The following PIGBOS1 variants were observed in gnomAD, a reference collection of about 807,000 sequenced individuals.
The protein encoded by PIGBOS1 is PIGB opposite strand 1.
At chr15:55,318,574 C>T (rs1166995116) in intron 1 of PIGBOS1, among the ~76,000 whole-genome samples, 1 of 151,088 alleles carries the variant, frequency 6.6e-6, no homozygotes, top group Non-Finnish European at 1.5e-5. Flanking sequence ...CGTGGTGGCG[C>T]GCCTGTAGTC....
At position 55,319,100 on chromosome 15, in the gene PIGBOS1, G is replaced by C; in HGVS notation, c.-312C>G. 1.1e-6 allele frequency: 1 copy of C among 895,972 alleles called. No homozygotes were observed. Among genetic ancestry groups the C allele is most frequent in the Non-Finnish European group, 1.6e-6 (1 of 612,640 alleles). 55.5% of individuals were successfully genotyped at this position (895,972 alleles called of 1,614,324 possible). A position where few individuals can be genotyped will look rare whatever the true frequency, so the allele number is the denominator to read the frequency against. On this transcript the variant is annotated 5_prime_UTR_variant, in exon 1 of 2. Transcript: ENST00000436697. ...AACGGCGAAAGGAAACCGCAAGGAG[G>C]CCACCACGTCGGGTGGGAGCTACGA... is the stretch of plus-strand genomic sequence containing the variant.
rs545913714 is a variant in PIGBOS1, at chr15:55,318,223, G to C, written c.-75-356C>G. Among the ~76,000 whole-genome samples the C allele has an allele frequency of 8.0e-5, 12 of 150,500 alleles. No individual in the cohort carries two copies. In the South Asian group the frequency reaches 1.7e-3, roughly 21 times the overall value. ...CGCCATTCTCCTACCTCAGCCTCCC[G>C]AGAAGCTGGGACTACAGGCGCGTGT... On this transcript the variant is annotated intron_variant, in intron 1 of 1. Coordinates refer to ENST00000436697, the MANE Select transcript of PIGBOS1 (RefSeq NM_001308421.2).
At chr15:55,318,343 C>T (rs1007087540) in intron 1 of PIGBOS1, among the ~76,000 whole-genome samples, 16 of 150,974 alleles carry the variant, frequency 1.1e-4, no homozygotes, top group South Asian at 8.4e-4. Context: ...CTGATCCGCC[C>T]GTCTTGGCCT....
Position 55,319,013 on chromosome 15 carries a change from TTTCGGACCCC to T in PIGBOS1, c.-235_-226del. 1 of 493,320 alleles carries T rather than the reference TTTCGGACCCC, an allele frequency of 2.0e-6. No homozygotes were observed. The highest frequency in any genetic ancestry group is 2.9e-5 in the South Asian group (1 of 34,588). 30.6% of individuals were successfully genotyped at this position (493,320 alleles called of 1,614,324 possible). A position where few individuals can be genotyped will look rare whatever the true frequency, so the allele number is the denominator to read the frequency against. On this transcript the variant is annotated 5_prime_UTR_variant, in exon 1 of 2. Coordinates refer to ENST00000436697, the MANE Select transcript of PIGBOS1 (RefSeq NM_001308421.2). ...CAGAGACCGGGGGCCTTCCAGCAGT[TTTCGGACCCC>T]CGAGCACAGAGACCGCCAAGCCAAA...
chr15:55,319,007 A>C lies in PIGBOS1; in HGVS notation c.-219T>G. On this transcript the variant is annotated 5_prime_UTR_variant, in exon 1 of 2. Transcript: ENST00000436697. ...CCCCTCCAGAGACCGGGGGCCTTCC[A>C]GCAGTTTTCGGACCCCCGAGCACAG... 2.1e-6 allele frequency: 1 copy of C among 482,330 alleles called. No homozygotes were observed. The highest frequency in any genetic ancestry group is 3.6e-5 in the Admixed American group (1 of 27,886). The allele number at this position is 482,330 out of a possible 1,614,324, so 29.9% of individuals were successfully genotyped here. A position where few individuals can be genotyped will look rare whatever the true frequency, so the allele number is the denominator to read the frequency against.
At position 55,317,496 on chromosome 15, in the gene PIGBOS1, G is replaced by A. The variant is rs1186214920; in HGVS notation, c.*132C>T. The stretch of plus-strand genomic sequence containing the variant: ...AGCCTGGCTGATTTTTGTATTTTCA[G>A]TAGAGACAGGGTTTCACCATGTTGG... On this transcript the variant is annotated 3_prime_UTR_variant, in exon 2 of 2. Transcript: ENST00000436697. 4 of 319,466 alleles carry A rather than the reference G, an allele frequency of 1.3e-5. No homozygotes were observed. The highest frequency in any genetic ancestry group is 1.7e-5 in the Non-Finnish European group (3 of 175,602). The allele number at this position is 319,466 out of a possible 1,614,324, so 19.8% of individuals were successfully genotyped here.
rs1398863126 is a variant in PIGBOS1, at chr15:55,317,753, T to A, written c.40A>T (p.Thr14Ser). The change falls in exon 2 of 2, where the codon ACT becomes TCT. Residue 14 changes from threonine (T) to serine (S), a missense_variant. Physicochemically the swap from Thr to Ser is moderately conservative, Grantham distance 58. Coordinates refer to ENST00000436697, the MANE Select transcript of PIGBOS1 (RefSeq NM_001308421.2). ...RLTFAQLLFATVLGIAGGVYI... is the reference protein window; with the variant it reads ...RLTFAQLLFASVLGIAGGVYI... ...ACTCCTCCAGCAATTCCAAGGACAG[T>A]GGCAAAAAGCAGTTGTGCAAAAGTC... The A allele has an allele frequency of 2.5e-6, 1 of 398,600 alleles. No homozygotes were observed. Among genetic ancestry groups the A allele is most frequent in the African/African-American group, 2.1e-5 (1 of 48,770 alleles). The allele number at this position is 398,600 out of a possible 1,614,324, so 24.7% of individuals were successfully genotyped here.
Position 55,317,748 on chromosome 15 carries a change from G to C in PIGBOS1, c.45C>G (p.Val15=), listed in dbSNP as rs2055061745. ...LTFAQLLFAT[V]LGIAGGVYIF... ...TATATACTCCTCCAGCAATTCCAAG[G>C]ACAGTGGCAAAAAGCAGTTGTGCAA... The change falls in exon 2 of 2, where the codon GTC becomes GTG. Residue 15 remains valine (V), a synonymous_variant. Coordinates refer to ENST00000436697, the MANE Select transcript of PIGBOS1 (RefSeq NM_001308421.2). 5 of 398,378 alleles carry C rather than the reference G, an allele frequency of 1.3e-5. No individual in the cohort carries two copies. In the Admixed American group the frequency reaches 2.2e-4, roughly 18 times the overall value. 24.7% of individuals were successfully genotyped at this position (398,378 alleles called of 1,614,324 possible). A position where few individuals can be genotyped will look rare whatever the true frequency, so the allele number is the denominator to read the frequency against.
In PIGBOS1 at chr15:55,317,877, A is replaced by G. The variant is rs2055064165; in HGVS notation, c.-75-10T>C. The G allele has an allele frequency of 2.5e-6, 1 of 392,808 alleles. No homozygotes were observed. The highest frequency in any genetic ancestry group is 1.4e-4 in the South Asian group (1 of 7,196). 24.3% of individuals were successfully genotyped at this position (392,808 alleles called of 1,614,324 possible). On this transcript the variant is annotated splice_polypyrimidine_tract_variant and intron_variant, in intron 1 of 1. Coordinates refer to ENST00000436697, the MANE Select transcript of PIGBOS1 (RefSeq NM_001308421.2). The stretch of plus-strand genomic sequence containing the variant: ...GGAAATCTCTTCAAATCTGCATACA[A>G]AAATGGAAAGCAAAGCCATCACTTA...
At chr15:55,318,697 G>A (rs550943782) in intron 1 of PIGBOS1, among the ~76,000 whole-genome samples, 167 bp downstream of exon 1, 136 of 135,810 alleles carry the variant, frequency 1.0e-3, no homozygotes, top group African/African-American at 3.9e-3. Flanking sequence ...GCGAAACTCC[G>A]TCTCAAAAAA....
rs2055064126 is a variant in PIGBOS1 at position 55,317,875 on chromosome 15, C to T, written c.-75-8G>A. On this transcript the variant is annotated splice_polypyrimidine_tract_variant and splice_region_variant and intron_variant, in intron 1 of 1. Transcript: ENST00000436697. ...CAGGAAATCTCTTCAAATCTGCATA[C>T]AAAAATGGAAAGCAAAGCCATCACT... 2.5e-6 allele frequency: 1 copy of T among 392,498 alleles called. No individual in the cohort carries two copies. Among genetic ancestry groups the T allele is most frequent in the Non-Finnish European group, 4.5e-6 (1 of 222,630 alleles). The allele number at this position is 392,498 out of a possible 1,614,324, so 24.3% of individuals were successfully genotyped here.
chr15:55,318,000 A>C (rs950289910), intron 1 of PIGBOS1, 133 bp from the exon 2 acceptor site: 3 of 330,698 alleles, frequency 9.1e-6, no homozygotes, highest in African/African-American at 6.4e-5. Flanking sequence ...ATATAAATAC[A>C]TAAGGAGTAC....
At chr15:55,318,787 C>T (rs1380259792) in intron 1 of PIGBOS1, 77 bp downstream of exon 1, 1 of 154,340 alleles carries the variant, frequency 6.5e-6, no homozygotes, top group Non-Finnish European at 1.4e-5. Flanking sequence ...GGCCTGTTTC[C>T]ACATCTGTAC....
intron 1 of PIGBOS1, among the ~76,000 whole-genome samples, chr15:55,318,136 C>T (rs1372230186): frequency 1.4e-5 from 2 of 144,978 alleles, no homozygotes; most frequent in Non-Finnish European, 1.5e-5. Context: ...CTCGCTCTGT[C>T]GCCCAGGCTG....
Position 55,318,943 on chromosome 15 carries a change from T to A in PIGBOS1, c.-155A>T, listed in dbSNP as rs1363852771. 6.1e-6 allele frequency: 2 copies of A among 330,030 alleles called. No individual in the cohort carries two copies. Among genetic ancestry groups the A allele is most frequent in the Non-Finnish European group, 1.1e-5 (2 of 177,810 alleles). The allele number at this position is 330,030 out of a possible 1,614,324, so 20.4% of individuals were successfully genotyped here. On this transcript the variant is annotated 5_prime_UTR_variant, in exon 1 of 2. Coordinates refer to ENST00000436697, the MANE Select transcript of PIGBOS1 (RefSeq NM_001308421.2). ...ACCACTCAGGTACCTCCGACTGTTC[T>A]GCGCCTGCTCCACGTCACTAAACTC...
In PIGBOS1 at chr15:55,317,800, A is replaced by G. The variant is rs2055062984; in HGVS notation, c.-8T>C. 2.5e-6 allele frequency: 1 copy of G among 397,974 alleles called. No homozygotes were observed. The highest frequency in any genetic ancestry group is 2.1e-5 in the African/African-American group (1 of 48,610). The allele number at this position is 397,974 out of a possible 1,614,324, so 24.7% of individuals were successfully genotyped here. A position where few individuals can be genotyped will look rare whatever the true frequency, so the allele number is the denominator to read the frequency against. On this transcript the variant is annotated 5_prime_UTR_variant, in exon 2 of 2. Transcript: ENST00000436697. ...AGTCAATCTCCTAAACATTGCTGCAACAAATACAGCTCAAGGAAAAGCTGG... is the reference window on the plus strand; with the variant it reads ...AGTCAATCTCCTAAACATTGCTGCAGCAAATACAGCTCAAGGAAAAGCTGG...
In PIGBOS1 at chr15:55,319,111, G is replaced by T. The variant is rs942642683; in HGVS notation, c.-323C>A. On this transcript the variant is annotated 5_prime_UTR_variant, in exon 1 of 2. Coordinates refer to ENST00000436697, the MANE Select transcript of PIGBOS1 (RefSeq NM_001308421.2). ...GAAACCGCAAGGAGGCCACCACGTC[G>T]GGTGGGAGCTACGAAGTTGCCCGTT... 2 of 994,268 alleles carry T rather than the reference G, an allele frequency of 2.0e-6. No individual in the cohort carries two copies. The highest frequency in any genetic ancestry group is 1.7e-5 in the African/African-American group (1 of 59,722). 61.6% of individuals were successfully genotyped at this position (994,268 alleles called of 1,614,324 possible).
Position 55,319,054 on chromosome 15 carries a change from G to A in PIGBOS1, c.-266C>T, listed in dbSNP as rs1240200656. The A allele has an allele frequency of 1.6e-6, 1 of 625,830 alleles. No homozygotes were observed. Among genetic ancestry groups the A allele is most frequent in the East Asian group, 3.0e-5 (1 of 32,996 alleles). 38.8% of individuals were successfully genotyped at this position (625,830 alleles called of 1,614,324 possible). ...ACAGAGACCGCCAAGCCAAAGGCGA[G>A]TAGCAATCCCTCGGTTCGGAAACGG... On this transcript the variant is annotated 5_prime_UTR_variant, in exon 1 of 2. Coordinates refer to ENST00000436697, the MANE Select transcript of PIGBOS1 (RefSeq NM_001308421.2).
chr15:55,318,376 C>T (rs1378425759), intron 1 of PIGBOS1, among the ~76,000 whole-genome samples: 1 of 148,582 alleles, frequency 6.7e-6, no homozygotes, highest in Non-Finnish European at 1.5e-5. Flanking sequence ...GGAATACAGG[C>T]GTGAGCCACC....
Sources: gnomAD v4.1 joint callset for allele counts (sites outside exome capture counted in the v4.1 genomes callset) on GRCh38, gnomAD v4.1.1 for gene constraint, MANE v1.5 for transcripts, NCBI Gene and HGNC (gene_info 2026-07-23, HGNC 2026-07-21) for gene names.